PTPRO: variants seen among roughly 807,000 people sequenced by gnomAD.
PTPRO encodes protein tyrosine phosphatase receptor type O.
In PTPRO, 62 loss-of-function variants were observed where a neutral mutation model predicts 145.2. That is an observed-to-expected ratio of 0.43 (90% CI 0.35 to 0.53). The LOEUF is 0.53. Among genes scored for constraint, PTPRO ranks in the 20% least tolerant of loss-of-function variants. The pLI is 0.01. For synonymous variants in PTPRO, 565 were observed against 514.7 expected (o/e 1.10, Z -1.32); for missense variants, 1,345 against 1,482.7 (o/e 0.91, Z 1.53).
Position 15,595,003 on chromosome 12 carries a change from A to C in PTPRO, c.3613A>C (p.Ile1205Leu), listed in dbSNP as rs752599022. ...MWMKKKQQFC[I>L]SDVIYENVSK... ...GATGAAGAAGAAGCAGCAGTTCTGC[A>C]TCAGTGATGTCATATACGAGAATGT... Residue 1205 changes from isoleucine (I) to leucine (L), a missense_variant, in exon 26 of 27, where the codon ATC (isoleucine) becomes CTC (leucine). By Grantham distance (5) the Ile-to-Leu change is conservative (BLOSUM62 2). Coordinates refer to ENST00000281171, the MANE Select transcript of PTPRO (RefSeq NM_030667.3). The C allele has an allele frequency of 1.2e-6, 2 of 1,613,962 alleles. No individual in the cohort carries two copies. The highest frequency in any genetic ancestry group is 1.3e-5 in the African/African-American group (1 of 75,068).
intron 1 of PTPRO, among the ~76,000 whole-genome samples, chr12:15,426,298 ATT>A (rs1487849548): frequency 6.6e-6 from 1 of 151,838 alleles, no homozygotes; most frequent in African/African-American, 2.4e-5. Context: ...TATCTTATTA[ATT>A]CTAGTAGTTT....
At chr12:15,358,665 C>A (rs1034238511) in intron 1 of PTPRO, among the ~76,000 whole-genome samples, 2 of 152,174 alleles carry the variant, frequency 1.3e-5, no homozygotes, top group East Asian at 1.9e-4. Context: ...GTAGCTTAAG[C>A]AAAGATAGAA....
At chr12:15,420,542 T>G (rs1438049160) in intron 1 of PTPRO, among the ~76,000 whole-genome samples, 1 of 151,674 alleles carries the variant, frequency 6.6e-6, no homozygotes, top group African/African-American at 2.4e-5. Flanking sequence ...CCTGACCAAC[T>G]CATGCCACCA....
intron 1 of PTPRO, among the ~76,000 whole-genome samples, chr12:15,396,543 T>C (rs909614346): frequency 6.6e-6 from 1 of 152,170 alleles, no homozygotes; most frequent in African/African-American, 2.4e-5. Context: ...CAAAATATTA[T>C]TCTTAAATTG....
chr12:15,435,651 C>G (rs1213302614), intron 1 of PTPRO, among the ~76,000 whole-genome samples: 1 of 151,796 alleles, frequency 6.6e-6, no homozygotes, highest in Non-Finnish European at 1.5e-5. Context: ...ATATATATCA[C>G]CATTGGTTCT....
intron 12 of PTPRO, among the ~76,000 whole-genome samples, chr12:15,545,965 T>G (rs1440351771): frequency 6.6e-6 from 1 of 151,722 alleles, no homozygotes; most frequent in African/African-American, 2.4e-5. Flanking sequence ...CAGTGAGCTG[T>G]GTTCGCACTA....
intron 14 of PTPRO, among the ~76,000 whole-genome samples, chr12:15,550,529 G>A: frequency 6.6e-6 from 1 of 152,152 alleles, no homozygotes; most frequent in East Asian, 1.9e-4. Context: ...AGCATAACAG[G>A]TGATATTATT....
At chr12:15,593,835 C>T (rs1944602349) in intron 25 of PTPRO, among the ~76,000 whole-genome samples, 1 of 152,116 alleles carries the variant, frequency 6.6e-6, no homozygotes, top group South Asian at 2.1e-4. Context: ...TTCCTTCTAG[C>T]TTTGTCCACT....
intron 9 of PTPRO, 139 bp from the exon 10 acceptor site, chr12:15,520,053 ATTTTATTAT>A: frequency 1.7e-6 from 1 of 575,168 alleles, no homozygotes; most frequent in Non-Finnish European, 3.1e-6. Flanking sequence ...TAGAAAGAAT[ATTTTATTAT>A]AGTAAATTTA....
chr12:15,426,930 C>T (rs1197378216), intron 1 of PTPRO, among the ~76,000 whole-genome samples: 1 of 151,812 alleles, frequency 6.6e-6, no homozygotes, highest in African/African-American at 2.4e-5. Context: ...ATTTTTGTTA[C>T]TGTTTGGCAG....
chr12:15,322,629 C>T lies in PTPRO; in HGVS notation c.-98C>T. The T allele has an allele frequency of 1.9e-6, 2 of 1,058,380 alleles. No homozygotes were observed. Among genetic ancestry groups the T allele is most frequent in the Non-Finnish European group, 2.9e-6 (2 of 698,954 alleles). The allele number at this position is 1,058,380 out of a possible 1,614,324, so 65.6% of individuals were successfully genotyped here. ...GCGCTCGCCAGGAGCAACCTCGGCGCCCAGGGTCTGAGGCTGCAGCCCCAG... is the reference window on the plus strand; with the variant it reads ...GCGCTCGCCAGGAGCAACCTCGGCGTCCAGGGTCTGAGGCTGCAGCCCCAG... On this transcript the variant is annotated 5_prime_UTR_variant, in exon 1 of 27. Transcript: ENST00000281171. The surrounding 1 kb of genome is among the most constrained non-coding windows in gnomAD (Gnocchi z 6.3).
chr12:15,362,016 T>C (rs574205883), intron 1 of PTPRO, among the ~76,000 whole-genome samples: 2 of 152,282 alleles, frequency 1.3e-5, no homozygotes, highest in South Asian at 2.1e-4. Context: ...AAATCATAGA[T>C]CGGACCTACA....
chr12:15,523,453 C>T (rs1472085710), intron 10 of PTPRO, among the ~76,000 whole-genome samples: 1 of 152,138 alleles, frequency 6.6e-6, no homozygotes, highest in Admixed American at 6.5e-5. Flanking sequence ...ATTCTCTTCC[C>T]TCGTTGGCAA....
intron 1 of PTPRO, among the ~76,000 whole-genome samples, chr12:15,414,891 A>AT (rs1262287005): frequency 5.9e-5 from 9 of 152,184 alleles, no homozygotes; most frequent in African/African-American, 2.2e-4. Flanking sequence ...TCTGTTCTTG[A>AT]TTTTGAATAC....
At chr12:15,544,384 A>G (rs112765348) in intron 12 of PTPRO, among the ~76,000 whole-genome samples, 6,616 of 151,658 alleles carry the variant, frequency 0.044, 476 homozygotes, top group African/African-American at 0.15. Flanking sequence ...ATGCGCCTGT[A>G]GTCTCAGCTA....
At position 15,322,842 on chromosome 12, in the gene PTPRO, C is replaced by T; in HGVS notation, c.75+41C>T. 1.9e-6 allele frequency: 3 copies of T among 1,585,734 alleles called. No individual in the cohort carries two copies. Among genetic ancestry groups the T allele is most frequent in the Non-Finnish European group, 2.6e-6 (3 of 1,164,644 alleles). On this transcript the variant is annotated intron_variant, in intron 1 of 26. Coordinates refer to ENST00000281171, the MANE Select transcript of PTPRO (RefSeq NM_030667.3). This position sits in a 1 kb window ranked among gnomAD's most constrained non-coding sequence, Gnocchi z 6.3. ...CACCCCTTTTTCCCAGCGGTCCGGG[C>T]GGCAGCCGCGCTCCGGCGCCCTCGC...
intron 23 of PTPRO, among the ~76,000 whole-genome samples, chr12:15,585,580 G>A (rs904564213): frequency 2.0e-5 from 3 of 152,092 alleles, no homozygotes; most frequent in African/African-American, 4.8e-5. Context: ...GTCTTTATAC[G>A]TTTATTTTCT....
chr12:15,337,646 C>T (rs939369764), intron 1 of PTPRO, among the ~76,000 whole-genome samples: 1 of 152,158 alleles, frequency 6.6e-6, no homozygotes, highest in Admixed American at 6.5e-5. Flanking sequence ...TTCCTACTAG[C>T]CCAGAACTGA....
intron 14 of PTPRO, 22 bp downstream of exon 14, chr12:15,549,248 T>C (rs757656136): frequency 9.7e-6 from 15 of 1,549,394 alleles, no homozygotes; most frequent in African/African-American, 4.4e-5. Context: ...CATTAGTGTA[T>C]AATTTTCTCA....
Sources: gnomAD v4.1 joint callset for allele counts (sites outside exome capture counted in the v4.1 genomes callset) on GRCh38, gnomAD v4.1.1 for gene constraint, Gnocchi (gnomAD v3.1) non-coding constraint, MANE v1.5 for transcripts, NCBI Gene and HGNC (gene_info 2026-07-23, HGNC 2026-07-21) for gene names.